Variants in PPFIA2 observed in about 807,000 individuals in gnomAD.
The protein encoded by PPFIA2 is PPFI scaffold protein A2.
A neutral mutation model predicts 175.5 loss-of-function variants in PPFIA2; 46 were observed. The observed-to-expected ratio is 0.26, with a 90% CI of 0.21 to 0.34. PPFIA2 has a LOEUF of 0.34. PPFIA2 is among the 10% of genes least tolerant of loss of function. PPFIA2 has a pLI of 1.00. For synonymous variants in PPFIA2, 568 were observed against 511.4 expected (o/e 1.11, Z -1.49); for missense variants, 1,179 against 1,506.1 (o/e 0.78, Z 3.60).
chr12:81,719,953 T>C (rs1445250174), intron 3 of PPFIA2, among the ~76,000 whole-genome samples: 2 of 151,470 alleles, frequency 1.3e-5, no homozygotes, highest in African/African-American at 4.8e-5. Flanking sequence ...TTTGTCTTAT[T>C]AATAAATTAT....
rs548274577 is a variant in PPFIA2 at position 81,659,388 on chromosome 12, C to T, written c.303+17403G>A. Among the ~76,000 whole-genome samples the T allele has an allele frequency of 1.8e-4, 28 of 152,278 alleles. No individual in the cohort carries two copies. The South Asian group carries it at 2.3e-3, about 12-fold the overall frequency. ...CCTAATACTGCACTTTCTTAGCAAA[C>T]GGCACACCCAGAGATTATATCCTTC... is the stretch of plus-strand genomic sequence containing the variant. On this transcript the variant is annotated intron_variant, in intron 4 of 32. Coordinates refer to ENST00000549396, the MANE Select transcript of PPFIA2 (RefSeq NM_003625.5).
intron 14 of PPFIA2, among the ~76,000 whole-genome samples, chr12:81,363,294 A>AATTTATTT (rs1454723972): frequency 6.6e-6 from 1 of 151,208 alleles, no homozygotes; most frequent in African/African-American, 2.4e-5. Context: ...TTAATTAATT[A>AATTTATTT]ATTTATTTAT....
At chr12:81,280,186 T>C (rs1057012984) in intron 27 of PPFIA2, among the ~76,000 whole-genome samples, 1 of 152,158 alleles carries the variant, frequency 6.6e-6, no homozygotes. Flanking sequence ...AAACATGCCT[T>C]GTCAAGCCAT....
At chr12:81,677,542 T>A (rs2072774368) in intron 3 of PPFIA2, among the ~76,000 whole-genome samples, 1 of 151,950 alleles carries the variant, frequency 6.6e-6, no homozygotes, top group Non-Finnish European at 1.5e-5. Context: ...TTCTATTCAC[T>A]ACCTCCATGA....
intron 22 of PPFIA2, among the ~76,000 whole-genome samples, chr12:81,319,612 C>A (rs147773210): frequency 1.3e-5 from 2 of 151,802 alleles, no homozygotes; most frequent in Non-Finnish European, 2.9e-5. Context: ...ACTAAATAAA[C>A]CCTCGACTAA....
chr12:81,714,280 CT>C (rs1461980000), intron 3 of PPFIA2, among the ~76,000 whole-genome samples: 1 of 150,710 alleles, frequency 6.6e-6, no homozygotes, highest in Non-Finnish European at 1.5e-5. Context: ...TAAGTGCTGG[CT>C]GATATATTTT....
chr12:81,736,135 G>A (rs1225986659), intron 3 of PPFIA2, among the ~76,000 whole-genome samples: 1 of 151,824 alleles, frequency 6.6e-6, no homozygotes, highest in East Asian at 1.9e-4. Flanking sequence ...GAACTGTGTT[G>A]AATTTATAGA....
chr12:81,342,966 T>C (rs990213255), intron 19 of PPFIA2, among the ~76,000 whole-genome samples: 9 of 150,998 alleles, frequency 6.0e-5, no homozygotes, highest in Non-Finnish European at 8.9e-5. Flanking sequence ...ATAATAATAA[T>C]AATAATAATA....
intron 4 of PPFIA2, among the ~76,000 whole-genome samples, chr12:81,665,381 ATTT>A (rs2069960155): frequency 6.6e-6 from 1 of 152,004 alleles, no homozygotes; most frequent in Non-Finnish European, 1.5e-5. Context: ...TGCTTCCCAC[ATTT>A]GTAACACGTA....
rs543776564 is a variant in PPFIA2, at chr12:81,417,291, C to T, written c.646-11388G>A. 5.9e-5 allele frequency: 9 copies of T among 151,738 alleles called. No individual in the cohort carries two copies. The East Asian group carries it at 1.6e-3, about 26-fold the overall frequency. 9.4% of individuals were successfully genotyped at this position (151,738 alleles called of 1,614,324 possible). On this transcript the variant is annotated intron_variant, in intron 7 of 32. Transcript: ENST00000549396. ...TGGACTTATTGATTTCTATATTCTT[C>T]CTCTAGCATCATGAAATTTGACCTC...
chr12:81,532,771 G>A (rs2064777237), intron 4 of PPFIA2, among the ~76,000 whole-genome samples: 1 of 151,588 alleles, frequency 6.6e-6, no homozygotes, highest in Non-Finnish European at 1.5e-5. Flanking sequence ...TAAAGCAAGA[G>A]CTATGACTCT....
chr12:81,712,528 A>G (rs2078072862), intron 3 of PPFIA2, among the ~76,000 whole-genome samples: 1 of 151,170 alleles, frequency 6.6e-6, no homozygotes, highest in Non-Finnish European at 1.5e-5. Context: ...TTAGAGTAAG[A>G]GTTTAGTAAT....
chr12:81,281,235 A>G (rs754433451), intron 27 of PPFIA2, 22 bp downstream of exon 27: 48 of 1,485,126 alleles, frequency 3.2e-5, no homozygotes, highest in Admixed American at 1.6e-4. Flanking sequence ...TTCTTTGGGG[A>G]AAAAAAAGAA....
intron 4 of PPFIA2, among the ~76,000 whole-genome samples, chr12:81,494,109 A>C (rs948605079): frequency 2.0e-5 from 3 of 152,084 alleles, no homozygotes; most frequent in African/African-American, 7.2e-5. Context: ...TAATTAAACT[A>C]AAGAGTTTCT....
intron 4 of PPFIA2, among the ~76,000 whole-genome samples, chr12:81,576,644 A>T (rs2073606506): frequency 6.6e-6 from 1 of 151,866 alleles, no homozygotes; most frequent in Non-Finnish European, 1.5e-5. Context: ...AAAGTAAATA[A>T]ATCTCTATCA....
intron 4 of PPFIA2, among the ~76,000 whole-genome samples, chr12:81,619,952 G>T (rs1405172247): frequency 6.6e-6 from 1 of 152,176 alleles, no homozygotes; most frequent in East Asian, 1.9e-4. Context: ...GAGGTCAGGA[G>T]GTCGAGACCA....
chr12:81,293,105 A>G (rs916459858), intron 24 of PPFIA2, among the ~76,000 whole-genome samples: 5 of 152,058 alleles, frequency 3.3e-5, no homozygotes, highest in African/African-American at 7.2e-5. Flanking sequence ...CAATAAAGTA[A>G]TAAGACTTTT....
At chr12:81,262,195 A>T (rs1302555602) in intron 31 of PPFIA2, among the ~76,000 whole-genome samples, 155 bp from the exon 32 acceptor site, 1 of 152,156 alleles carries the variant, frequency 6.6e-6, no homozygotes, top group African/African-American at 2.4e-5. Context: ...TCTTCTCTAG[A>T]TCAAGTTCCT....
chr12:81,333,073 T>C (rs1182212452), intron 21 of PPFIA2, among the ~76,000 whole-genome samples: 1 of 152,132 alleles, frequency 6.6e-6, no homozygotes, highest in Non-Finnish European at 1.5e-5. Context: ...GATCATCCAG[T>C]CCAATCAGCT....
Sources: allele counts gnomAD v4.1 joint callset (sites outside exome capture counted in the v4.1 genomes callset), GRCh38; gene constraint gnomAD v4.1.1; transcripts MANE v1.5; gene names NCBI Gene and HGNC (gene_info 2026-07-23, HGNC 2026-07-21).